Variants in ADAD2 observed in about 807,000 individuals in gnomAD.
The protein encoded by ADAD2 is adenosine deaminase domain-containing protein 2.
ADAD2 carries 60 observed loss-of-function variants against 54.5 expected under a neutral mutation model. The observed-to-expected ratio is 1.10, with a 90% CI of 0.89 to 1.36. The LOEUF (loss-of-function observed/expected upper bound fraction) is 1.36. Among genes scored for constraint, ADAD2 ranks in the 40% most tolerant of loss-of-function variants. The probability of loss-of-function intolerance (pLI) is 0.00; values close to 1 mark genes in which losing one functional copy is unlikely to be tolerated. For missense variants in ADAD2, 1,103 were observed against 801.3 expected (o/e 1.38, Z -4.54); for synonymous variants, 543 against 366.2 (o/e 1.48, Z -5.51).
In ADAD2 at chr16:84,196,007, C is replaced by T. The variant is rs1219620430; in HGVS notation, c.1245C>T (p.His415=). ...VLGLGGALLA[H]LVSPLYSTSL... ...GGCTGGGTGGTGCCCTGCTGGCCCA[C>T]CTGGTGTCCCCACTCTACAGCACCA... The change falls in exon 7 of 10, where the codon CAC becomes CAT. Residue 415 remains histidine, a synonymous_variant. Coordinates refer to ENST00000315906, the MANE Select transcript of ADAD2 (RefSeq NM_001145400.2). 4 of 1,598,928 alleles carry T rather than the reference C, an allele frequency of 2.5e-6. No homozygotes were observed. Among genetic ancestry groups the T allele is most frequent in the Non-Finnish European group, 3.4e-6 (4 of 1,179,648 alleles).
In ADAD2 at chr16:84,195,989, T is replaced by A. The variant is rs1597600519; in HGVS notation, c.1227T>A (p.Gly409=). 1.3e-6 allele frequency: 2 copies of A among 1,598,490 alleles called. No individual in the cohort carries two copies. Among genetic ancestry groups the A allele is most frequent in the Non-Finnish European group, 1.7e-6 (2 of 1,179,488 alleles). ...CACGCTGGGCCGTGCTGGGGCTGGG[T>A]GGTGCCCTGCTGGCCCACCTGGTGT... is the stretch of plus-strand genomic sequence containing the variant. ...KLARWAVLGL[G]GALLAHLVSP... The change falls in exon 7 of 10, where the codon GGT becomes GGA. Residue 409 remains glycine, a synonymous_variant. Transcript: ENST00000315906.
chr16:84,195,307 G>T lies in ADAD2; in HGVS notation c.745G>T (p.Ala249Ser). The change falls in exon 5 of 10, where the codon GCC (alanine) becomes TCC (serine). Residue 249 changes from alanine (A) to serine (S), a missense_variant. Ala to Ser is a moderately conservative substitution (Grantham distance 99). Transcript: ENST00000315906. ...GVILEREIPR[A>S]RGHVKEIYKL... ...CCCCTCCTGCACAGAGATCCCGCGT[G>T]CCAGGGGCCACGTGAAGGAGATCTA... 6.2e-7 allele frequency: 1 copy of T among 1,611,410 alleles called. No homozygotes were observed.
intron 1 of ADAD2, chr16:84,193,859 C>A: frequency 2.4e-6 from 2 of 846,716 alleles, no homozygotes; most frequent in South Asian, 2.0e-5. Flanking sequence ...AAAAGGGAAA[C>A]CCCCAGAGGG....
chr16:84,191,450 G>A lies in ADAD2; in HGVS notation c.220G>A (p.Gly74Arg), dbSNP rs2089651735. The A allele has an allele frequency of 2.0e-6, 3 of 1,524,236 alleles. No individual in the cohort carries two copies. The highest frequency in any genetic ancestry group is 1.8e-6 in the Non-Finnish European group (2 of 1,138,256). The allele number at this position is 1,524,236 out of a possible 1,614,324, so 94.4% of individuals were successfully genotyped here. Residue 74 changes from glycine (G) to arginine (R), a missense_variant, in exon 1 of 10, where the codon GGA becomes AGA. Physicochemically the swap from Gly to Arg is moderately radical, Grantham distance 125. Coordinates refer to ENST00000315906, the MANE Select transcript of ADAD2 (RefSeq NM_001145400.2). ...GGACAGTGGGCCTGGGGCAGGGGCC[G>A]GAGTCGGGGAACTGGGGGCAGCCCG... ...LRDSGPGAGA[G>R]VGELGAARAW...
Position 84,196,347 on chromosome 16 carries a change from G to C in ADAD2, c.1503G>C (p.Val501=). 2 of 1,612,570 alleles carry C rather than the reference G, an allele frequency of 1.2e-6. No homozygotes were observed. The highest frequency in any genetic ancestry group is 1.1e-5 in the South Asian group (1 of 91,026). ...ACCCTGGCATCGAGGTTGTGGATGTGGCCACCGGGCGTGTGAAGGCCAAGT... is the reference window on the plus strand; with the variant it reads ...ACCCTGGCATCGAGGTTGTGGATGTCGCCACCGGGCGTGTGAAGGCCAAGT... The part of the protein sequence containing the change: ...LGDPGIEVVD[V]ATGRVKANAA... Residue 501 remains valine (V), a synonymous_variant, in exon 8 of 10, where the codon GTG becomes GTC. Transcript: ENST00000315906.
chr16:84,191,193 G>C lies in ADAD2; in HGVS notation c.-38G>C, dbSNP rs771632230. Reference sequence around the variant, plus strand: ...GCGTGTGAAAGGGCGAGAGCAGCGCGAGATAGGGCCTAGCGCCTCAGATCT... The same window carrying C: ...GCGTGTGAAAGGGCGAGAGCAGCGCCAGATAGGGCCTAGCGCCTCAGATCT... On this transcript the variant is annotated 5_prime_UTR_variant, in exon 1 of 10. Transcript: ENST00000315906. The C allele has an allele frequency of 1.9e-6, 3 of 1,586,646 alleles. No homozygotes were observed. The highest frequency in any genetic ancestry group is 1.1e-5 in the South Asian group (1 of 89,704).
Position 84,196,049 on chromosome 16 carries a change from G to A in ADAD2, c.1282+5G>A. ...ACAGCACCAGCCTCATCCTGGGTGA[G>A]CACGTGGTGAGGGCTGGGGGGGTGA... is the stretch of plus-strand genomic sequence containing the variant. On this transcript the variant is annotated splice_donor_5th_base_variant and intron_variant, in intron 7 of 9. Transcript: ENST00000315906. The A allele has an allele frequency of 6.3e-7, 1 of 1,599,352 alleles. No homozygotes were observed. The highest frequency in any genetic ancestry group is 8.5e-7 in the Non-Finnish European group (1 of 1,179,852).
In ADAD2 at chr16:84,197,028, G is replaced by C. The variant is rs1180495569; in HGVS notation, c.*54G>C. The C allele has an allele frequency of 6.6e-7, 1 of 1,522,490 alleles. No homozygotes were observed. Among genetic ancestry groups the C allele is most frequent in the Non-Finnish European group, 8.9e-7 (1 of 1,123,020 alleles). The allele number at this position is 1,522,490 out of a possible 1,614,324, so 94.3% of individuals were successfully genotyped here. On this transcript the variant is annotated 3_prime_UTR_variant, in exon 10 of 10. Transcript: ENST00000315906. The stretch of plus-strand genomic sequence containing the variant: ...GAGCCAAGCTGTACCCCTGCTGGGG[G>C]AGTGCCCTATCTGAGGAGCGTTGTG...
chr16:84,196,229 C>A lies in ADAD2; in HGVS notation c.1385C>A (p.Thr462Asn). 2 of 1,611,802 alleles carry A rather than the reference C, an allele frequency of 1.2e-6. No homozygotes were observed. The highest frequency in any genetic ancestry group is 1.7e-6 in the Non-Finnish European group (2 of 1,179,946). The part of the protein sequence containing the change: ...GPCLPPPYVR[T>N]ALHLFAGPPV... ...TGCCTGCCACCTCCCTACGTCCGGA[C>A]CGCCCTGCACCTGTTTGCAGGGCCC... The change falls in exon 8 of 10, where the codon ACC becomes AAC. Residue 462 changes from threonine (T) to asparagine (N), a missense_variant. Thr to Asn is a moderately conservative substitution (Grantham distance 65, BLOSUM62 0). Transcript: ENST00000315906.
chr16:84,193,794 G>A, intron 1 of ADAD2: 2 of 501,488 alleles, frequency 4.0e-6, no homozygotes, highest in Non-Finnish European at 7.0e-6. Flanking sequence ...TTTGATGCCT[G>A]TTTAGAGCAG....
At position 84,195,460 on chromosome 16, in the gene ADAD2, GGGTGGGC is replaced by G. The variant is rs767526029; in HGVS notation, c.884+16_884+22del. On this transcript the variant is annotated intron_variant, in intron 5 of 9. Transcript: ENST00000315906. ...GGCCCTGCTGAGGTGAGGGGCAGTG[GGGTGGGC>G]GCCTGATAGCAGCCTTCGCCAGGAC... 6.2e-7 allele frequency: 1 copy of G among 1,607,482 alleles called. No individual in the cohort carries two copies. Among genetic ancestry groups the G allele is most frequent in the Admixed American group, 1.7e-5 (1 of 59,918 alleles).
At position 84,195,581 on chromosome 16, in the gene ADAD2, G is replaced by C; in HGVS notation, c.936G>C (p.Lys312Asn). 1 of 1,603,670 alleles carries C rather than the reference G, an allele frequency of 6.2e-7. No individual in the cohort carries two copies. Among genetic ancestry groups the C allele is most frequent in the South Asian group, 1.1e-5 (1 of 89,776 alleles). ...CCACACAGGGGGGCCCCAAGGGCAA[G>C]GAGCAGTCCGTGCTGGCCCCCCAGC... The part of the protein sequence containing the change: ...LLATQGGPKG[K>N]EQSVLAPQPG... Residue 312 changes from lysine (K) to asparagine (N), a missense_variant, in exon 6 of 10, where the codon AAG becomes AAC. Lys to Asn is a moderately conservative substitution (Grantham distance 94). Coordinates refer to ENST00000315906, the MANE Select transcript of ADAD2 (RefSeq NM_001145400.2).
rs752934699 is a variant in ADAD2, at chr16:84,196,870, G to T, written c.1648G>T (p.Ala550Ser). 9 of 1,593,710 alleles carry T rather than the reference G, an allele frequency of 5.6e-6. No individual in the cohort carries two copies. Among genetic ancestry groups the T allele is most frequent in the African/African-American group, 1.3e-5 (1 of 74,494 alleles). The change falls in exon 10 of 10, where the codon GCT (alanine) becomes TCT (serine). Residue 550 changes from alanine to serine, a missense_variant and splice_region_variant. Physicochemically the swap from Ala to Ser is moderately conservative, Grantham distance 99. Transcript: ENST00000315906. ...CCCCACCTCTCATCTCCCGCCCTAGGCTGGGCCCTACCAGGAGGCTCGCAG... is the reference window on the plus strand; with the variant it reads ...CCCCACCTCTCATCTCCCGCCCTAGTCTGGGCCCTACCAGGAGGCTCGCAG... ...LALKTYEAAKAGPYQEARRQL... is the reference protein window; with the variant it reads ...LALKTYEAAKSGPYQEARRQL...
chr16:84,194,997 G>A lies in ADAD2; in HGVS notation c.607+17G>A, dbSNP rs769272227. 32 of 1,541,970 alleles carry A rather than the reference G, an allele frequency of 2.1e-5. No homozygotes were observed. The highest frequency in any genetic ancestry group is 6.1e-5 in the African/African-American group (3 of 49,102). ...TGAGCGTAGGTAGGTGAGCATTCCC[G>A]GACCCAGGCTTGTAGTGTCGAGGGG... On this transcript the variant is annotated intron_variant, in intron 3 of 9. Transcript: ENST00000315906.
rs2089699687 is a variant in ADAD2 at position 84,194,503 on chromosome 16, T to C, written c.480T>C (p.Thr160=). The C allele has an allele frequency of 6.2e-7, 1 of 1,612,258 alleles. No individual in the cohort carries two copies. The highest frequency in any genetic ancestry group is 1.3e-5 in the African/African-American group (1 of 74,862). The change falls in exon 2 of 10, where the codon ACT becomes ACC. Residue 160 remains threonine (T), a synonymous_variant. Coordinates refer to ENST00000315906, the MANE Select transcript of ADAD2 (RefSeq NM_001145400.2). ...ATGGGGTGGTCTGCCCTGCGGGCAC[T>C]GCGAATAGCAAGACGGAGGCCAAAC... is the stretch of plus-strand genomic sequence containing the variant. ...ELDGVVCPAG[T]ANSKTEAKQQ...
At position 84,196,274 on chromosome 16, in the gene ADAD2, C is replaced by A. The variant is rs755546341; in HGVS notation, c.1430C>A (p.Pro477His). 3 of 1,612,928 alleles carry A rather than the reference C, an allele frequency of 1.9e-6. No individual in the cohort carries two copies. The highest frequency in any genetic ancestry group is 2.2e-5 in the South Asian group (2 of 91,080). The change falls in exon 8 of 10, where the codon CCC becomes CAC. Residue 477 changes from proline (P) to histidine (H), a missense_variant. Coordinates refer to ENST00000315906, the MANE Select transcript of ADAD2 (RefSeq NM_001145400.2). ...GGGCCCCCGGTGGCCCCTTCCGAAC[C>A]CACCCCTGACACCTGCCGTGGCCTG... Reference protein sequence around the residue: ...FAGPPVAPSEPTPDTCRGLSL... With the variant: ...FAGPPVAPSEHTPDTCRGLSL...
Position 84,191,892 on chromosome 16 carries a change from C to T in ADAD2, c.418+244C>T, listed in dbSNP as rs570953779. The T allele has an allele frequency of 1.4e-5, 9 of 634,076 alleles. No homozygotes were observed. In the South Asian group the frequency reaches 1.4e-4, roughly 10 times the overall value. The allele number at this position is 634,076 out of a possible 1,614,324, so 39.3% of individuals were successfully genotyped here. Reference sequence around the variant, plus strand: ...GAAAGAGTCATGGCAGGTGAACATTCTTCCCACCTGACTTCCAGGGAGGTT... The same window carrying T: ...GAAAGAGTCATGGCAGGTGAACATTTTTCCCACCTGACTTCCAGGGAGGTT... On this transcript the variant is annotated intron_variant, in intron 1 of 9. Coordinates refer to ENST00000315906, the MANE Select transcript of ADAD2 (RefSeq NM_001145400.2).
Position 84,195,083 on chromosome 16 carries a change from C to T in ADAD2, c.622C>T (p.His208Tyr). 1.2e-6 allele frequency: 2 copies of T among 1,613,612 alleles called. No homozygotes were observed. The highest frequency in any genetic ancestry group is 1.7e-6 in the Non-Finnish European group (2 of 1,179,888). The change falls in exon 4 of 10, where the codon CAT (histidine) becomes TAT (tyrosine). Residue 208 changes from histidine (H) to tyrosine (Y), a missense_variant. Transcript: ENST00000315906. ...APLSVENILT[H>Y]EQRCAALVSA... ...CCCTGGCGCAGAGAACATCCTGACC[C>T]ATGAGCAGCGCTGCGCAGCGTTGGT...
rs375522638 is a variant in ADAD2, at chr16:84,196,141, G to A, written c.1297G>A (p.Asp433Asn). 170 of 1,603,102 alleles carry A rather than the reference G, an allele frequency of 1.1e-4. No individual in the cohort carries two copies. Among genetic ancestry groups the A allele is most frequent in the Middle Eastern group, 1.6e-4 (1 of 6,078 alleles). The change falls in exon 8 of 10, where the codon GAC (aspartate) becomes AAC (asparagine). Residue 433 changes from aspartate to asparagine, a missense_variant. Coordinates refer to ENST00000315906, the MANE Select transcript of ADAD2 (RefSeq NM_001145400.2). ...CTGCCCTGCAGCTGACTCATGCCAC[G>A]ACCCTCCGACTCTGAGCAGGGCCAT... ...TSLILADSCHDPPTLSRAIHT... is the reference protein window; with the variant it reads ...TSLILADSCHNPPTLSRAIHT...
Sources: allele counts gnomAD v4.1 joint callset, GRCh38; gene constraint gnomAD v4.1.1; transcripts MANE v1.5; gene names NCBI Gene and HGNC (gene_info 2026-07-23, HGNC 2026-07-21).